The following TENM3 variants were observed in gnomAD, a reference collection of about 807,000 sequenced individuals.
The protein encoded by TENM3 is teneurin-3.
TENM3 carries 63 observed loss-of-function variants against 255.1 expected under a neutral mutation model. The ratio of observed to expected loss-of-function variants is 0.25; its 90% CI spans 0.20 to 0.30. TENM3 has a LOEUF of 0.30. Among genes scored for constraint, TENM3 ranks in the 10% least tolerant of loss-of-function variants. The probability of loss-of-function intolerance (pLI) is 1.00; values close to 1 mark genes in which losing one functional copy is unlikely to be tolerated. For missense variants in TENM3, 2,929 were observed against 3,461.1 expected (o/e 0.85, Z 3.86); for synonymous variants, 1,306 against 1,322.3 (o/e 0.99, Z 0.27).
intron 3 of TENM3, among the ~76,000 whole-genome samples, chr4:182,456,571 T>C (rs1773889849): frequency 1.3e-5 from 2 of 152,224 alleles, no homozygotes; most frequent in Admixed American, 1.3e-4. Flanking sequence ...AACTTACATG[T>C]ACAGTTAACT....
At chr4:181,673,845 GGTGTGT>G in the TENM3 span, among the ~76,000 whole-genome samples, 7,661 of 137,358 alleles carry the variant, frequency 0.056, 263 homozygotes, top group Non-Finnish European at 0.082. Context: ...AGAAGTGTGT[GGTGTGT>G]GTGTGTGTGT....
the TENM3 span, among the ~76,000 whole-genome samples, chr4:181,910,735 C>G: frequency 1.3e-5 from 2 of 151,552 alleles, no homozygotes; most frequent in Non-Finnish European, 2.9e-5. Context: ...CCTCAGCCCC[C>G]CAAAGTGCTG....
the TENM3 span, among the ~76,000 whole-genome samples, chr4:181,660,069 G>A: frequency 1.9e-3 from 284 of 152,222 alleles, no homozygotes; most frequent in African/African-American, 6.0e-3. Flanking sequence ...AAAATGTAGC[G>A]AGACAACCTT....
the TENM3 span, among the ~76,000 whole-genome samples, chr4:181,451,801 T>A: frequency 6.6e-6 from 1 of 152,202 alleles, no homozygotes; most frequent in Non-Finnish European, 1.5e-5. Flanking sequence ...CTGTTTGTAG[T>A]TTTGGAAGTC....
intron 12 of TENM3, among the ~76,000 whole-genome samples, chr4:182,704,645 G>A (rs536388831): frequency 3.9e-5 from 6 of 152,268 alleles, no homozygotes; most frequent in Non-Finnish European, 8.8e-5. Context: ...GTAGGTGCAT[G>A]TAAGAGGCAA....
chr4:182,455,914 ATTCT>A (rs941131256), intron 3 of TENM3, among the ~76,000 whole-genome samples: 5 of 152,020 alleles, frequency 3.3e-5, no homozygotes, highest in Non-Finnish European at 5.9e-5. Flanking sequence ...TTAGCACCTG[ATTCT>A]TATTTCTGTG....
intron 4 of TENM3, among the ~76,000 whole-genome samples, chr4:182,611,843 C>G (rs1330825130): frequency 6.6e-6 from 1 of 152,144 alleles, no homozygotes; most frequent in Admixed American, 6.6e-5. Flanking sequence ...ATACCTTTGA[C>G]AGCCACTTGT....
chr4:181,705,722 A>T, the TENM3 span, among the ~76,000 whole-genome samples: 7 of 152,318 alleles, frequency 4.6e-5, no homozygotes, highest in South Asian at 1.2e-3. Flanking sequence ...AAACCTGCAC[A>T]TCCTGGACAT....
At chr4:181,883,126 C>CTTTTTTTTTTTTTTTTTTT in the TENM3 span, among the ~76,000 whole-genome samples, 1 of 106,732 alleles carries the variant, frequency 9.4e-6, no homozygotes, top group African/African-American at 3.5e-5. Flanking sequence ...TGCAATTAAT[C>CTTTTTTTTTTTTTTTTTTT]TTTTTTTTTT....
chr4:182,491,340 A>T (rs561359401), intron 3 of TENM3, among the ~76,000 whole-genome samples: 2 of 152,216 alleles, frequency 1.3e-5, no homozygotes, highest in South Asian at 4.1e-4. Flanking sequence ...ATTGTTAAAC[A>T]ATACTCTACC....
the TENM3 span, among the ~76,000 whole-genome samples, chr4:181,779,142 T>C: frequency 1.3e-5 from 2 of 152,186 alleles, no homozygotes; most frequent in South Asian, 4.1e-4. Flanking sequence ...ACACGCTTGA[T>C]CTACCAGCAC....
the TENM3 span, among the ~76,000 whole-genome samples, chr4:181,723,103 A>G: frequency 1.3e-5 from 2 of 152,116 alleles, no homozygotes; most frequent in South Asian, 2.1e-4. Flanking sequence ...AGGGGACACC[A>G]GAAATGTCAT....
the TENM3 span, among the ~76,000 whole-genome samples, chr4:181,463,484 G>T: frequency 1.3e-5 from 2 of 152,014 alleles, no homozygotes; most frequent in Admixed American, 6.6e-5. Context: ...CACTCAACTG[G>T]ATGTCTCTCT....
the TENM3 span, among the ~76,000 whole-genome samples, chr4:182,060,999 G>T: frequency 1.3e-5 from 2 of 152,152 alleles, no homozygotes; most frequent in African/African-American, 4.8e-5. Context: ...GAAAGTTCAG[G>T]ATGTGGTTCA....
intron 3 of TENM3, among the ~76,000 whole-genome samples, chr4:182,392,625 G>A (rs1206664207): frequency 6.6e-6 from 1 of 152,186 alleles, no homozygotes; most frequent in Non-Finnish European, 1.5e-5. Context: ...CGCTGAGAGC[G>A]GAAGGGAGAC....
At chr4:181,759,384 A>G in the TENM3 span, among the ~76,000 whole-genome samples, 1 of 152,128 alleles carries the variant, frequency 6.6e-6, no homozygotes, top group African/African-American at 2.4e-5. Context: ...AAGGTTTAAA[A>G]CATGTTTGAA....
intron 3 of TENM3, among the ~76,000 whole-genome samples, chr4:182,445,927 A>G (rs1347768857): frequency 6.6e-6 from 1 of 152,232 alleles, no homozygotes; most frequent in Non-Finnish European, 1.5e-5. Context: ...CGATATGGCA[A>G]ACTATAGTAG....
At chr4:182,417,131 G>A (rs868229267) in intron 3 of TENM3, among the ~76,000 whole-genome samples, 14 of 151,892 alleles carry the variant, frequency 9.2e-5, no homozygotes, top group African/African-American at 2.7e-4. Flanking sequence ...CTGCCACCAC[G>A]CCCAGCTAAT....
rs376917223 is a variant in TENM3, at chr4:182,793,470, G to C, written c.6798G>C (p.Ser2266=). 3.3e-4 allele frequency: 539 copies of C among 1,613,840 alleles called. No homozygotes were observed. The highest frequency in any genetic ancestry group is 9.7e-4 in the South Asian group (88 of 91,076). ...PTRITHVYNH[S]SSEITSLYYD... ...GGATTACTCATGTCTACAACCATTC[G>C]AGTTCAGAAATTACCTCCCTGTATT... Residue 2266 remains serine (S), a synonymous_variant, in exon 26 of 28, where the codon TCG becomes TCC. Transcript: ENST00000511685. The surrounding 1 kb of genome is among the most constrained non-coding windows in gnomAD (Gnocchi z 5.7).
Sources: allele counts gnomAD v4.1 joint callset (sites outside exome capture counted in the v4.1 genomes callset), GRCh38; gene constraint gnomAD v4.1.1; non-coding constraint Gnocchi (gnomAD v3.1); transcripts MANE v1.5; gene names NCBI Gene and HGNC (gene_info 2026-07-23, HGNC 2026-07-21).